DSC3: variants seen among roughly 807,000 people sequenced by gnomAD.
DSC3 encodes the protein desmocollin-3.
A neutral mutation model predicts 89.5 loss-of-function variants in DSC3; 97 were observed. The ratio of observed to expected loss-of-function variants is 1.08; its 90% CI spans 0.92 to 1.28. The LOEUF (loss-of-function observed/expected upper bound fraction) is 1.28. Among genes scored for constraint, DSC3 ranks in the 50% most tolerant of loss-of-function variants. The pLI, the probability that DSC3 is intolerant of heterozygous loss-of-function variation, is 0.00. For synonymous variants in DSC3, 436 were observed against 384.1 expected (o/e 1.14, Z -1.58); for missense variants, 1,199 against 1,085.3 (o/e 1.10, Z -1.47).
Position 31,025,877 on chromosome 18 carries a change from G to C in DSC3, c.513C>G (p.Tyr171Ter). Reference protein sequence around the residue: ...SDAAQNYTVFYSISGRGVDKE... With the variant: ...SDAAQNYTVF ...TATCAACTCCACGTCCACTTATTGA[G>C]TAGAAGACAGTATAGTTCTGTGCTG... is the stretch of plus-strand genomic sequence containing the variant. The change falls in exon 5 of 16, where the codon TAC (tyrosine) becomes TAG (stop). Residue 171 changes from tyrosine to a stop codon, truncating the protein, a stop_gained. Coordinates refer to ENST00000360428, the MANE Select transcript of DSC3 (RefSeq NM_001941.5). LOFTEE classifies it high-confidence loss of function. The C allele has an allele frequency of 6.2e-7, 1 of 1,612,948 alleles. No individual in the cohort carries two copies. Among genetic ancestry groups the C allele is most frequent in the Non-Finnish European group, 8.5e-7 (1 of 1,179,298 alleles).
At chr18:31,031,200 G>C in intron 2 of DSC3, 28 bp from the exon 3 acceptor site, 1 of 1,519,476 alleles carries the variant, frequency 6.6e-7, no homozygotes, top group Non-Finnish European at 9.0e-7. Context: ...CAAGTTGTAA[G>C]GTAAAAACAC....
chr18:31,034,033 G>T (rs1471981910), intron 1 of DSC3, among the ~76,000 whole-genome samples: 1 of 152,074 alleles, frequency 6.6e-6, no homozygotes, highest in Non-Finnish European at 1.5e-5. Context: ...CACCGTGTTC[G>T]CCAGGATTGT....
chr18:30,997,098 G>A (rs182577886), intron 14 of DSC3, 50 bp from the exon 15 acceptor site: 12 of 1,606,718 alleles, frequency 7.5e-6, no homozygotes, highest in Admixed American at 1.7e-5. Flanking sequence ...TGGATTCTAA[G>A]TTGTCATGAG....
In DSC3 at chr18:30,989,783, G is replaced by A. The variant is rs1213585922; in HGVS notation, c.*4392C>T. 6.6e-6 allele frequency among the ~76,000 whole-genome samples: 1 copy of A among 152,022 alleles called. No homozygotes were observed. Among genetic ancestry groups the A allele is most frequent in the Non-Finnish European group, 1.5e-5 (1 of 67,994 alleles). ...CCAAGCCTAATTCTAAATAATATAA[G>A]AGCCAAAATAAACTGTCTAAGCTGG... On this transcript the variant is annotated 3_prime_UTR_variant, in exon 16 of 16. Coordinates refer to ENST00000360428, the MANE Select transcript of DSC3 (RefSeq NM_001941.5).
intron 11 of DSC3, among the ~76,000 whole-genome samples, chr18:31,007,799 A>G (rs982935691): frequency 6.6e-6 from 1 of 152,172 alleles, no homozygotes; most frequent in Non-Finnish European, 1.5e-5. Flanking sequence ...ATAAGAATTT[A>G]AGGTCCTGCC....
Position 31,018,268 on chromosome 18 carries a change from A to C in DSC3, c.1078-12T>G. 1 of 1,597,234 alleles carries C rather than the reference A, an allele frequency of 6.3e-7. No homozygotes were observed. Among genetic ancestry groups the C allele is most frequent in the Non-Finnish European group, 8.5e-7 (1 of 1,173,816 alleles). On this transcript the variant is annotated splice_polypyrimidine_tract_variant and intron_variant, in intron 8 of 15. Transcript: ENST00000360428. The stretch of plus-strand genomic sequence containing the variant: ...ACAAATGCTTCATACTGAAACAGAA[A>C]GAAGTCATTGAAAATTGAAATTTTA...
At chr18:31,015,529 T>C (rs1985206569) in intron 9 of DSC3, among the ~76,000 whole-genome samples, 1 of 141,740 alleles carries the variant, frequency 7.1e-6, no homozygotes, top group South Asian at 2.4e-4. Context: ...GAGATCATTT[T>C]GTATTGGTCA....
In DSC3 at chr18:31,018,706, G is replaced by C; in HGVS notation, c.1037C>G (p.Thr346Arg). Residue 346 changes from threonine (T) to arginine (R), a missense_variant, in exon 8 of 16, where the codon ACA becomes AGA. Coordinates refer to ENST00000360428, the MANE Select transcript of DSC3 (RefSeq NM_001941.5). The stretch of plus-strand genomic sequence containing the variant: ...AGTGGGTGCATTATCATTTGAATCT[G>C]TTACTGTTATGATACAAGTTGATGT... ...IGTSTCIITV[T>R]DSNDNAPTFR... The C allele has an allele frequency of 6.2e-7, 1 of 1,613,504 alleles. No individual in the cohort carries two copies. Among genetic ancestry groups the C allele is most frequent in the African/African-American group, 1.3e-5 (1 of 74,994 alleles).
chr18:31,026,359 T>C (rs936919513), intron 4 of DSC3, among the ~76,000 whole-genome samples: 1 of 152,098 alleles, frequency 6.6e-6, no homozygotes, highest in African/African-American at 2.4e-5. Context: ...TGGCTTTTCC[T>C]TGGAGTCTAA....
chr18:31,011,630 A>G (rs542947754), intron 9 of DSC3, among the ~76,000 whole-genome samples: 1 of 152,184 alleles, frequency 6.6e-6, no homozygotes, highest in East Asian at 1.9e-4. Context: ...TGACAGAAAC[A>G]TGGATTTTGA....
chr18:31,024,400 C>T lies in DSC3; in HGVS notation c.724G>A (p.Val242Ile), dbSNP rs1225051119. 3 of 1,608,824 alleles carry T rather than the reference C, an allele frequency of 1.9e-6. No individual in the cohort carries two copies. Among genetic ancestry groups the T allele is most frequent in the Admixed American group, 3.4e-5 (2 of 59,602 alleles). The part of the protein sequence containing the change: ...RVEDENDNHP[V>I]FTEAIYNFEV... ...AAATTATAAATTGCTTCTGTGAAAACAGGGTGGTTGTCATTTTCATCCTCT... is the reference window on the plus strand; with the variant it reads ...AAATTATAAATTGCTTCTGTGAAAATAGGGTGGTTGTCATTTTCATCCTCT... The change falls in exon 6 of 16, where the codon GTT becomes ATT. Residue 242 changes from valine to isoleucine, a missense_variant. Coordinates refer to ENST00000360428, the MANE Select transcript of DSC3 (RefSeq NM_001941.5).
chr18:31,006,923 G>T lies in DSC3; in HGVS notation c.1872C>A (p.Ser624Arg), dbSNP rs751689251. The T allele has an allele frequency of 4.3e-6, 7 of 1,612,068 alleles. No homozygotes were observed. The highest frequency in any genetic ancestry group is 2.2e-5 in the South Asian group (2 of 91,014). Reference protein sequence around the residue: ...NTSPEISRLWSLTKVNDTAAR... With the variant: ...NTSPEISRLWRLTKVNDTAAR... ...ATTAAATACCATTAACTTTGGTGAGGCTCCACAGTCTACTGATTTCTGGAG... is the reference window on the plus strand; with the variant it reads ...ATTAAATACCATTAACTTTGGTGAGTCTCCACAGTCTACTGATTTCTGGAG... The change falls in exon 12 of 16, where the codon AGC becomes AGA. Residue 624 changes from serine (S) to arginine (R), a missense_variant. Transcript: ENST00000360428.
chr18:31,006,969 T>C lies in DSC3; in HGVS notation c.1826A>G (p.Tyr609Cys), dbSNP rs189467273. 1.7e-5 allele frequency: 28 copies of C among 1,613,902 alleles called. No homozygotes were observed. The Admixed American group carries it at 1.8e-4, about 11-fold the overall frequency. The change falls in exon 12 of 16, where the codon TAT becomes TGT. Residue 609 changes from tyrosine to cysteine, a missense_variant. By Grantham distance (194) the Tyr-to-Cys change is radical. Coordinates refer to ENST00000360428, the MANE Select transcript of DSC3 (RefSeq NM_001941.5). ...PDEPVHGAPF[Y>C]FSLPNTSPEI... ...TGGAGAAGTATTGGGCAAACTGAAA[T>C]AAAATGGAGCTCCATGGACAGGTTC...
chr18:31,021,158 G>C (rs754120530), intron 7 of DSC3, among the ~76,000 whole-genome samples: 1 of 151,560 alleles, frequency 6.6e-6, no homozygotes, highest in African/African-American at 2.4e-5. Flanking sequence ...TCTTCATCAG[G>C]AAAGTAGCAG....
intron 1 of DSC3, among the ~76,000 whole-genome samples, chr18:31,035,380 C>A (rs1476055588): frequency 6.6e-6 from 1 of 151,786 alleles, no homozygotes; most frequent in Non-Finnish European, 1.5e-5. Flanking sequence ...TATAATAAGC[C>A]AAGAAATCAT....
chr18:31,001,684 A>G lies in DSC3; in HGVS notation c.2169T>C (p.Phe723=). The G allele has an allele frequency of 6.2e-7, 1 of 1,611,170 alleles. No individual in the cohort carries two copies. The highest frequency in any genetic ancestry group is 1.7e-4 in the Middle Eastern group (1 of 6,044). ...GVFGATKGKR[F]PEDLAQQNLI... is the part of the protein sequence containing the mutation. ...AGTTTTGCTGTGCTAAATCTTCAGG[A>G]AAACGTTTCCCTTTAGTTGCACCAA... The change falls in exon 14 of 16, where the codon TTT becomes TTC. Residue 723 remains phenylalanine (F), a synonymous_variant. Coordinates refer to ENST00000360428, the MANE Select transcript of DSC3 (RefSeq NM_001941.5).
Position 30,990,760 on chromosome 18 carries a change from C to T in DSC3, c.*3415G>A, listed in dbSNP as rs1283376284. On this transcript the variant is annotated 3_prime_UTR_variant, in exon 16 of 16. Transcript: ENST00000360428. Reference sequence around the variant, plus strand: ...AAAGTAAAACCCCTGTGTCAGTGTACTATTCATGGAATACTCTGCAATTAT... The same window carrying T: ...AAAGTAAAACCCCTGTGTCAGTGTATTATTCATGGAATACTCTGCAATTAT... The T allele has an allele frequency of 6.6e-6, 1 of 152,170 alleles. No homozygotes were observed. Among genetic ancestry groups the T allele is most frequent in the Non-Finnish European group, 1.5e-5 (1 of 68,032 alleles). The allele number at this position is 152,170 out of a possible 1,614,324, so 9.4% of individuals were successfully genotyped here. A position where few individuals can be genotyped will look rare whatever the true frequency, so the allele number is the denominator to read the frequency against.
intron 14 of DSC3, among the ~76,000 whole-genome samples, chr18:30,999,216 T>A (rs1984572983): frequency 2.6e-5 from 4 of 152,148 alleles, no homozygotes. Flanking sequence ...CACCTTCCTA[T>A]CAATTTAAAT....
intron 1 of DSC3, among the ~76,000 whole-genome samples, chr18:31,039,894 T>A (rs377319746): frequency 6.6e-6 from 1 of 152,194 alleles, no homozygotes; most frequent in African/African-American, 2.4e-5. Flanking sequence ...AAGCTTGCAG[T>A]TTTAAAACTA....
Sources: gnomAD v4.1 joint callset for allele counts (sites outside exome capture counted in the v4.1 genomes callset) on GRCh38, gnomAD v4.1.1 for gene constraint, MANE v1.5 for transcripts, NCBI Gene and HGNC (gene_info 2026-07-23, HGNC 2026-07-21) for gene names.